GAK: variants seen among roughly 807,000 people sequenced by gnomAD.
GAK encodes the protein cyclin G associated kinase.
A neutral mutation model predicts 143.9 loss-of-function variants in GAK; 79 were observed. The observed-to-expected ratio is 0.55, with a 90% CI of 0.46 to 0.66. The LOEUF (loss-of-function observed/expected upper bound fraction) is 0.66. Among genes scored for constraint, GAK ranks in the 30% least tolerant of loss-of-function variants. The pLI, the probability that GAK is intolerant of heterozygous loss-of-function variation, is 0.00. For synonymous variants in GAK, 881 were observed against 765.5 expected, an observed-to-expected ratio of 1.15 and a Z score of -2.49; for missense variants, 1,693 against 1,779.7, an observed-to-expected ratio of 0.95 and a Z score of 0.88.
intron 5 of GAK, among the ~76,000 whole-genome samples, chr4:899,581 G>A (rs1719472148): frequency 7.0e-6 from 1 of 142,772 alleles, no homozygotes; most frequent in Non-Finnish European, 1.5e-5. Flanking sequence ...GTTCTGATAA[G>A]CCAGCCTCAT....
chr4:868,083 G>A (rs1252542916), intron 20 of GAK, among the ~76,000 whole-genome samples: 4 of 152,208 alleles, frequency 2.6e-5, no homozygotes, highest in African/African-American at 4.8e-5. Context: ...CTTGGGGTGT[G>A]TCTGGGGTGA....
In GAK at chr4:849,987, T is replaced by C; in HGVS notation, c.3739A>G (p.Ser1247Gly). The change falls in exon 27 of 28, where the codon AGC becomes GGC. Residue 1247 changes from serine (S) to glycine (G), a missense_variant. Physicochemically the swap from Ser to Gly is moderately conservative, Grantham distance 56 (BLOSUM62 0). Coordinates refer to ENST00000314167, the MANE Select transcript of GAK (RefSeq NM_005255.4). Reference protein sequence around the residue: ...TLHTVLWDGESRWTPVGMADL... With the variant: ...TLHTVLWDGEGRWTPVGMADL... The stretch of plus-strand genomic sequence containing the variant: ...GCCATGCCCACGGGCGTCCAGCGGC[T>C]CTCCCCGTCCCACAGCACTGTGTGC... 2 of 1,611,586 alleles carry C rather than the reference T, an allele frequency of 1.2e-6. No individual in the cohort carries two copies. The highest frequency in any genetic ancestry group is 1.1e-5 in the South Asian group (1 of 90,660).
At chr4:920,933 T>G (rs546072147) in intron 1 of GAK, among the ~76,000 whole-genome samples, 30 of 152,344 alleles carry the variant, frequency 2.0e-4, no homozygotes, top group African/African-American at 5.8e-4. Context: ...CATTTTAAAA[T>G]ATTTCATAAT....
chr4:924,710 G>A (rs973214455), intron 1 of GAK, among the ~76,000 whole-genome samples: 2 of 152,236 alleles, frequency 1.3e-5, no homozygotes, highest in Non-Finnish European at 2.9e-5. Context: ...TCCCCATGGC[G>A]TGGCTGCTCT....
In GAK at chr4:885,508, C is replaced by T. The variant is rs114257072; in HGVS notation, c.1206-1422G>A. On this transcript the variant is annotated intron_variant, in intron 11 of 27. Transcript: ENST00000314167. ...ACAGGATCCACGCACATCTCACCCA[C>T]CCCAGCAGCCCTGCGGGGGCCCCAT... 4.4e-3 allele frequency among the ~76,000 whole-genome samples: 666 copies of T among 152,336 alleles called. 5 individuals carry two copies. The highest frequency in any genetic ancestry group is 0.015 in the African/African-American group (611 of 41,582).
At chr4:925,853 C>G (rs912840975) in intron 1 of GAK, among the ~76,000 whole-genome samples, 1 of 152,212 alleles carries the variant, frequency 6.6e-6, no homozygotes, top group African/African-American at 2.4e-5. Flanking sequence ...CCCCAGTGTA[C>G]GACGTTCTGT....
intron 11 of GAK, 199 bp from the exon 12 acceptor site, chr4:884,285 C>A: frequency 1.8e-6 from 1 of 567,294 alleles, no homozygotes; most frequent in Admixed American, 3.2e-5. Flanking sequence ...ACCCCTACAT[C>A]AGAAACGGAT....
At chr4:912,815 C>T in intron 2 of GAK, 21 bp from the exon 3 acceptor site, 8 of 1,608,794 alleles carry the variant, frequency 5.0e-6, no homozygotes, top group East Asian at 2.2e-5. Flanking sequence ...AAACAGCACA[C>T]ACAAAAGATG....
intron 1 of GAK, among the ~76,000 whole-genome samples, chr4:928,866 C>G (rs560100238): frequency 1.3e-5 from 2 of 152,020 alleles, no homozygotes; most frequent in Non-Finnish European, 2.9e-5. Context: ...CAGGTTCAAG[C>G]GATTCTCCTG....
chr4:898,455 C>T (rs1208001633), intron 5 of GAK, among the ~76,000 whole-genome samples: 2 of 152,242 alleles, frequency 1.3e-5, no homozygotes, highest in Non-Finnish European at 2.9e-5. Flanking sequence ...ATGAGCCTTC[C>T]TCAAAGATGT....
At chr4:900,641 A>G (rs184763066) in intron 5 of GAK, among the ~76,000 whole-genome samples, 226 of 152,232 alleles carry the variant, frequency 1.5e-3, no homozygotes, top group African/African-American at 5.2e-3. Flanking sequence ...CACGGGCAGG[A>G]CTGGCCCCTC....
At chr4:930,421 A>G (rs1016650881) in intron 1 of GAK, among the ~76,000 whole-genome samples, 1 of 151,622 alleles carries the variant, frequency 6.6e-6, no homozygotes, top group Admixed American at 6.6e-5. Flanking sequence ...TAAGTGACCC[A>G]CAAGCTTCTT....
intron 3 of GAK, 25 bp downstream of exon 3, chr4:912,710 G>T: frequency 6.2e-7 from 1 of 1,606,452 alleles, no homozygotes; most frequent in Non-Finnish European, 8.5e-7. Context: ...CACCGTGCTG[G>T]CTCCTGGTTC....
rs111589273 is a variant in GAK, at chr4:856,147, G to A, written c.3283+3459C>T. Among the ~76,000 whole-genome samples, 532 of 151,010 alleles carry A rather than the reference G, an allele frequency of 3.5e-3. 1 individual carries two copies. Among genetic ancestry groups the A allele is most frequent in the Non-Finnish European group, 4.1e-3 (280 of 67,916 alleles). On this transcript the variant is annotated intron_variant, in intron 24 of 27. Coordinates refer to ENST00000314167, the MANE Select transcript of GAK (RefSeq NM_005255.4). ...GGGACCACACCTGCTCACCACAGCT[G>A]CTCACCACACCTGCTCACCACCACA...
At chr4:863,347 C>T (rs1577066865) in intron 23 of GAK, among the ~76,000 whole-genome samples, 1 of 152,200 alleles carries the variant, frequency 6.6e-6, no homozygotes, top group Admixed American at 6.5e-5. Context: ...GAGATGGAAT[C>T]GAGTCCTGGT....
At chr4:891,096 C>A (rs1055734248) in intron 9 of GAK, among the ~76,000 whole-genome samples, 6 of 152,004 alleles carry the variant, frequency 3.9e-5, no homozygotes, top group Non-Finnish European at 8.8e-5. Flanking sequence ...GTAGCTGGGA[C>A]TACAGGCATG....
chr4:891,563 G>A (rs1487940418), intron 9 of GAK, among the ~76,000 whole-genome samples: 1 of 152,082 alleles, frequency 6.6e-6, no homozygotes, highest in Non-Finnish European at 1.5e-5. Context: ...TGTCCCCACG[G>A]GGTCCCGGCC....
At chr4:859,458 G>A in intron 24 of GAK, 148 bp downstream of exon 24, 1 of 1,597,720 alleles carries the variant, frequency 6.3e-7, no homozygotes, top group East Asian at 2.3e-5. Context: ...CAGACACGCT[G>A]TCCCCTTGGG....
intron 5 of GAK, among the ~76,000 whole-genome samples, chr4:899,716 AGGGTT>A (rs1719502605): frequency 6.6e-6 from 1 of 152,258 alleles, no homozygotes; most frequent in Non-Finnish European, 1.5e-5. Context: ...GGGGACGCCC[AGGGTT>A]AGATGCAGAC....
Sources: allele counts gnomAD v4.1 joint callset (sites outside exome capture counted in the v4.1 genomes callset), GRCh38; gene constraint gnomAD v4.1.1; transcripts MANE v1.5; gene names NCBI Gene and HGNC (gene_info 2026-07-23, HGNC 2026-07-21).